Variants in CCNT1 observed in about 807,000 individuals in gnomAD.
The protein encoded by CCNT1 is cyclin T1.
Under a neutral mutation model 67.3 loss-of-function variants are expected in CCNT1, and 18 were observed. The ratio of observed to expected loss-of-function variants is 0.27; its 90% CI spans 0.18 to 0.40. The LOEUF (loss-of-function observed/expected upper bound fraction) is 0.40, where lower values mean the gene tolerates loss of function less well. CCNT1 is among the 10% of genes least tolerant of loss of function. The pLI is 1.00. For synonymous variants in CCNT1, 333 were observed against 310.3 expected (o/e 1.07, Z -0.77); for missense variants, 744 against 884.9 (o/e 0.84, Z 2.02).
chr12:48,705,896 A>C lies in CCNT1; in HGVS notation c.244T>G (p.Ser82Ala), dbSNP rs747920750. 5 of 1,608,916 alleles carry C rather than the reference A, an allele frequency of 3.1e-6. No individual in the cohort carries two copies. In the African/African-American group the frequency reaches 5.4e-5, roughly 17 times the overall value. ...IQSFTQFPGN[S>A]VAPAALFLAA... ...AGAAACAAGGCTGCTGGAGCCACAG[A>C]CTGAATGGAGAGAAAATAAATCATA... Residue 82 changes from serine to alanine, a missense_variant and splice_region_variant, in exon 3 of 9, where the codon TCT becomes GCT. Ser to Ala is a moderately conservative substitution (Grantham distance 99, BLOSUM62 1). Transcript: ENST00000261900.
Position 48,694,148 on chromosome 12 carries a change from C to T in CCNT1, c.1066G>A (p.Ala356Thr), listed in dbSNP as rs781602950. Reference sequence around the variant, plus strand: ...AAGGAATGATCAACTCCTGTAAGTGCTAAATTCTCACTAGTCCGATGACCC... The same window carrying T: ...AAGGAATGATCAACTCCTGTAAGTGTTAAATTCTCACTAGTCCGATGACCC... ...TQGHRTSENLALTGVDHSLPQ... is the reference protein window; with the variant it reads ...TQGHRTSENLTLTGVDHSLPQ... Residue 356 changes from alanine (A) to threonine (T), a missense_variant, in exon 9 of 9, where the codon GCA (alanine) becomes ACA (threonine). Coordinates refer to ENST00000261900, the MANE Select transcript of CCNT1 (RefSeq NM_001240.4). The T allele has an allele frequency of 6.2e-7, 1 of 1,614,112 alleles. No individual in the cohort carries two copies. Among genetic ancestry groups the T allele is most frequent in the African/African-American group, 1.3e-5 (1 of 74,938 alleles).
At chr12:48,703,263 C>T (rs539962502) in intron 3 of CCNT1, among the ~76,000 whole-genome samples, 11 of 151,172 alleles carry the variant, frequency 7.3e-5, no homozygotes, top group South Asian at 6.3e-4. Context: ...GGCAACAAAA[C>T]GAGATTCTGT....
At chr12:48,697,534 A>AATATATATAT (rs771889041) in intron 6 of CCNT1, among the ~76,000 whole-genome samples, 25 of 130,678 alleles carry the variant, frequency 1.9e-4, no homozygotes, top group African/African-American at 7.3e-4. Flanking sequence ...AAAAAAAAAA[A>AATATATATAT]ATATATATAT....
chr12:48,715,067 C>T (rs865881543), intron 1 of CCNT1, among the ~76,000 whole-genome samples: 2 of 152,346 alleles, frequency 1.3e-5, no homozygotes, highest in South Asian at 2.1e-4. Flanking sequence ...CCTGCCTTGG[C>T]CTCCGAAAGT....
At chr12:48,708,269 G>A (rs1003105086) in intron 2 of CCNT1, among the ~76,000 whole-genome samples, 2 of 151,912 alleles carry the variant, frequency 1.3e-5, no homozygotes, top group East Asian at 1.9e-4. Flanking sequence ...AGAGTAGGCC[G>A]GGCGTGGTGG....
At chr12:48,699,102 A>C (rs965836578) in intron 5 of CCNT1, among the ~76,000 whole-genome samples, 1 of 152,200 alleles carries the variant, frequency 6.6e-6, no homozygotes, top group Non-Finnish European at 1.5e-5. Flanking sequence ...GCAAATTTTT[A>C]TCTTCCTCAG....
chr12:48,700,313 C>T lies in CCNT1; in HGVS notation c.434-473G>A, dbSNP rs565931092. ...CAGCCTGGGCGACAAAGCAAGACTC[C>T]GTCTCAAAAAAAAAAAAAAAAGAAA... is the stretch of plus-strand genomic sequence containing the variant. On this transcript the variant is annotated intron_variant, in intron 4 of 8. Coordinates refer to ENST00000261900, the MANE Select transcript of CCNT1 (RefSeq NM_001240.4). 1.4e-4 allele frequency among the ~76,000 whole-genome samples: 18 copies of T among 126,636 alleles called. No individual in the cohort carries two copies. The East Asian group carries it at 3.5e-3, about 24-fold the overall frequency. 83.1% of individuals were successfully genotyped at this position (126,636 alleles called of 152,430 possible).
chr12:48,694,712 G>A (rs1038169438), intron 8 of CCNT1, among the ~76,000 whole-genome samples: 4 of 152,152 alleles, frequency 2.6e-5, no homozygotes, highest in African/African-American at 9.7e-5. Context: ...CCATGCCTTC[G>A]CTTATGATTA....
At position 48,701,139 on chromosome 12, in the gene CCNT1, A is replaced by G; in HGVS notation, c.373-66T>C. 22 of 899,408 alleles carry G rather than the reference A, an allele frequency of 2.4e-5. No individual in the cohort carries two copies. In the South Asian group the frequency reaches 3.9e-4, roughly 16 times the overall value. The allele number at this position is 899,408 out of a possible 1,614,324, so 55.7% of individuals were successfully genotyped here. A position where few individuals can be genotyped will look rare whatever the true frequency, so the allele number is the denominator to read the frequency against. ...AATATATAAAGTATAAACAATTCTAACAATCCCTTCCAGGGAAACCAAAAC... is the reference window on the plus strand; with the variant it reads ...AATATATAAAGTATAAACAATTCTAGCAATCCCTTCCAGGGAAACCAAAAC... On this transcript the variant is annotated intron_variant, in intron 3 of 8. Coordinates refer to ENST00000261900, the MANE Select transcript of CCNT1 (RefSeq NM_001240.4).
At chr12:48,706,879 C>T (rs1397972186) in intron 2 of CCNT1, among the ~76,000 whole-genome samples, 1 of 152,148 alleles carries the variant, frequency 6.6e-6, no homozygotes, top group Middle Eastern at 3.2e-3. Flanking sequence ...TGATTTCAGA[C>T]AAGACCATAG....
rs184025116 is a variant in CCNT1 at position 48,689,749 on chromosome 12, C to T, written c.*3284G>A. On this transcript the variant is annotated 3_prime_UTR_variant, in exon 9 of 9. Transcript: ENST00000261900. ...CAACCATACTGGGATAGACAGGGCC[C>T]CTCTACAATTGCCTTTACTTGGAAG... 6.6e-6 allele frequency: 1 copy of T among 152,308 alleles called. No individual in the cohort carries two copies. Among genetic ancestry groups the T allele is most frequent in the African/African-American group, 2.4e-5 (1 of 41,566 alleles). The allele number at this position is 152,308 out of a possible 1,614,324, so 9.4% of individuals were successfully genotyped here. A position where few individuals can be genotyped will look rare whatever the true frequency, so the allele number is the denominator to read the frequency against.
chr12:48,694,502 G>T, intron 8 of CCNT1, 66 bp from the exon 9 acceptor site: 1 of 1,428,312 alleles, frequency 7.0e-7, no homozygotes, highest in Non-Finnish European at 9.6e-7. Flanking sequence ...ACTGAGATGA[G>T]TAGATTGTAC....
intron 2 of CCNT1, among the ~76,000 whole-genome samples, chr12:48,712,202 CTCTT>C (rs1940462130): frequency 6.6e-6 from 1 of 152,178 alleles, no homozygotes; most frequent in African/African-American, 2.4e-5. Flanking sequence ...TTCATAAACT[CTCTT>C]TCTACAGCAT....
At chr12:48,701,248 CAG>C (rs1940262647) in intron 3 of CCNT1, among the ~76,000 whole-genome samples, 175 bp from the exon 4 acceptor site, 3 of 84,732 alleles carry the variant, frequency 3.5e-5, no homozygotes, top group South Asian at 1.0e-3. Flanking sequence ...TTTTTTTAGA[CAG>C]AGTCTCCCTC....
chr12:48,708,389 A>G (rs1404096497), intron 2 of CCNT1, among the ~76,000 whole-genome samples: 1 of 152,102 alleles, frequency 6.6e-6, no homozygotes, highest in Non-Finnish European at 1.5e-5. Flanking sequence ...TCTACTAAAA[A>G]TACAAAAATT....
chr12:48,691,983 TA>T lies in CCNT1; in HGVS notation c.*1049del, dbSNP rs1184697200. ...CACATTCCCCATCTCTTAGAGACCT[TA>T]AGACTGCTCTCATTTGAACACTTTC... is the stretch of plus-strand genomic sequence containing the variant. On this transcript the variant is annotated 3_prime_UTR_variant, in exon 9 of 9. Coordinates refer to ENST00000261900, the MANE Select transcript of CCNT1 (RefSeq NM_001240.4). 1 of 152,088 alleles carries T rather than the reference TA, an allele frequency of 6.6e-6. No individual in the cohort carries two copies. The highest frequency in any genetic ancestry group is 1.5e-5 in the Non-Finnish European group (1 of 68,024). 9.4% of individuals were successfully genotyped at this position (152,088 alleles called of 1,614,324 possible). A position where few individuals can be genotyped will look rare whatever the true frequency, so the allele number is the denominator to read the frequency against.
chr12:48,708,534 G>A (rs540159464), intron 2 of CCNT1, among the ~76,000 whole-genome samples: 301 of 151,020 alleles, frequency 2.0e-3, no homozygotes, highest in Non-Finnish European at 3.3e-3. Flanking sequence ...GCCACAGAGC[G>A]AGACTCTGTC....
chr12:48,710,855 A>G (rs1194066452), intron 2 of CCNT1, among the ~76,000 whole-genome samples: 1 of 152,128 alleles, frequency 6.6e-6, no homozygotes, highest in Non-Finnish European at 1.5e-5. Flanking sequence ...GAGGTCAGGA[A>G]TTCAAGACCA....
intron 4 of CCNT1, 126 bp from the exon 5 acceptor site, chr12:48,699,966 T>C: frequency 1.8e-6 from 1 of 568,630 alleles, no homozygotes; most frequent in South Asian, 2.6e-5. Flanking sequence ...AATAGAAATT[T>C]ATTCCACCAG....
Sources: allele counts gnomAD v4.1 joint callset (sites outside exome capture counted in the v4.1 genomes callset), GRCh38; gene constraint gnomAD v4.1.1; transcripts MANE v1.5; gene names NCBI Gene and HGNC (gene_info 2026-07-23, HGNC 2026-07-21).